Variants in CLCN3 observed in about 807,000 individuals in gnomAD.
The protein encoded by CLCN3 is H(+)/Cl(-) exchange transporter 3.
CLCN3 carries 16 observed loss-of-function variants against 83.4 expected under a neutral mutation model. That is an observed-to-expected ratio of 0.19 (90% confidence interval 0.13 to 0.29). The LOEUF (loss-of-function observed/expected upper bound fraction) is 0.29, where lower values mean the gene tolerates loss of function less well. CLCN3 is among the 10% of genes least tolerant of loss of function. CLCN3 has a pLI of 1.00. For synonymous variants in CLCN3, 322 were observed against 346.2 expected (o/e 0.93, Z 0.78); for missense variants, 544 against 1,006.0 (o/e 0.54, Z 6.21).
intron 2 of CLCN3, among the ~76,000 whole-genome samples, chr4:169,679,362 C>T (rs1459712542): frequency 6.6e-6 from 1 of 150,778 alleles, no homozygotes; most frequent in Non-Finnish European, 1.5e-5. Flanking sequence ...TCCTCACTTC[C>T]TAGATGGGAT....
In CLCN3 at chr4:169,692,095, C is replaced by T. The variant is rs143375184; in HGVS notation, c.730-19C>T. Reference sequence around the variant, plus strand: ...TGTTTCTTAAAGGACATTAAGCTGCCTTAATCTTTGCCTTGTAGATTAAAA... The same window carrying T: ...TGTTTCTTAAAGGACATTAAGCTGCTTTAATCTTTGCCTTGTAGATTAAAA... On this transcript the variant is annotated intron_variant, in intron 6 of 12. Transcript: ENST00000513761. 114 of 1,457,656 alleles carry T rather than the reference C, an allele frequency of 7.8e-5. 1 individual carries two copies. The East Asian group carries it at 2.5e-3, about 32-fold the overall frequency. The allele number at this position is 1,457,656 out of a possible 1,614,324, so 90.3% of individuals were successfully genotyped here. A position where few individuals can be genotyped will look rare whatever the true frequency, so the allele number is the denominator to read the frequency against.
At chr4:169,712,527 A>G (rs1381524579) in intron 11 of CLCN3, among the ~76,000 whole-genome samples, 1 of 152,190 alleles carries the variant, frequency 6.6e-6, no homozygotes, top group Admixed American at 6.5e-5. Context: ...TTGTACTTTC[A>G]TCTCATCTGT....
intron 2 of CLCN3, among the ~76,000 whole-genome samples, chr4:169,637,598 A>C (rs78433766): frequency 1.2e-5 from 1 of 84,124 alleles, no homozygotes; most frequent in African/African-American, 3.5e-5. Context: ...ACCACCACCA[A>C]CAACAACAAC....
intron 3 of CLCN3, among the ~76,000 whole-genome samples, chr4:169,686,997 T>C (rs1287299418): frequency 1.3e-5 from 2 of 152,192 alleles, no homozygotes; most frequent in African/African-American, 4.8e-5. Flanking sequence ...AAAAGGCCTA[T>C]AAGTTTTGGG....
chr4:169,658,880 G>A (rs1730962446), intron 2 of CLCN3, among the ~76,000 whole-genome samples: 1 of 151,998 alleles, frequency 6.6e-6, no homozygotes, highest in Non-Finnish European at 1.5e-5. Context: ...CTGTTTATCT[G>A]AGATTTAAAA....
intron 1 of CLCN3, among the ~76,000 whole-genome samples, chr4:169,634,449 G>C (rs1391900583): frequency 6.6e-6 from 1 of 152,096 alleles, no homozygotes; most frequent in African/African-American, 2.4e-5. Flanking sequence ...TTTCTCAAAA[G>C]CCACATAATA....
At chr4:169,698,434 C>T (rs756269919) in intron 9 of CLCN3, among the ~76,000 whole-genome samples, 2 of 152,090 alleles carry the variant, frequency 1.3e-5, no homozygotes, top group Non-Finnish European at 2.9e-5. Flanking sequence ...CCTTTTTCCT[C>T]TCTCTCTGTG....
intron 2 of CLCN3, among the ~76,000 whole-genome samples, chr4:169,679,732 A>C (rs2150238288): frequency 6.6e-6 from 1 of 152,304 alleles, no homozygotes; most frequent in Non-Finnish European, 1.5e-5. Context: ...CCACCAAAAA[A>C]TACAAAAATC....
intron 4 of CLCN3, 68 bp downstream of exon 4, chr4:169,687,825 C>A: frequency 1.3e-6 from 1 of 799,040 alleles, no homozygotes; most frequent in Non-Finnish European, 1.9e-6. Context: ...CCCTCCTTCC[C>A]TCAATTTTTT....
rs1328448899 is a variant in CLCN3 at position 169,690,542 on chromosome 4, T to G, written c.619T>G (p.Tyr207Asp). ...ATTTTCTTTTTAGGGTCCTGGTTCT[T>G]ATATCATGAACTACATAATGTACAT... ...IIGQAEGPGSYIMNYIMYIFW... is the reference protein window; with the variant it reads ...IIGQAEGPGSDIMNYIMYIFW... Residue 207 changes from tyrosine (Y) to aspartate (D), a missense_variant, in exon 6 of 13, where the codon TAT (tyrosine) becomes GAT (aspartate). By Grantham distance (160) the Tyr-to-Asp change is radical (BLOSUM62 -3). Around this residue, in one of 6 missense-constraint regions of CLCN3, gnomAD observed 96 missense variants for 202.1 expected, o/e 0.48. Transcript: ENST00000513761. 3 of 1,610,978 alleles carry G rather than the reference T, an allele frequency of 1.9e-6. No individual in the cohort carries two copies. In the East Asian group the frequency reaches 6.7e-5, roughly 36 times the overall value.
At chr4:169,694,564 C>T (rs1049348190) in intron 7 of CLCN3, among the ~76,000 whole-genome samples, 10 of 152,218 alleles carry the variant, frequency 6.6e-5, no homozygotes, top group African/African-American at 2.2e-4. Context: ...CTTGGCTGGG[C>T]GCGGTGGCTC....
intron 2 of CLCN3, among the ~76,000 whole-genome samples, chr4:169,667,777 G>A (rs531519836): frequency 7.4e-5 from 11 of 148,212 alleles, no homozygotes; most frequent in South Asian, 4.3e-4. Context: ...GATGGATCTC[G>A]CTCTGTCGCC....
intron 11 of CLCN3, among the ~76,000 whole-genome samples, chr4:169,710,068 A>G (rs1209448548): frequency 6.6e-6 from 1 of 152,244 alleles, no homozygotes; most frequent in Non-Finnish European, 1.5e-5. Context: ...AAACAAACAA[A>G]AACTGTATTT....
intron 12 of CLCN3, among the ~76,000 whole-genome samples, chr4:169,719,290 C>A (rs1362512699): frequency 2.0e-5 from 3 of 152,116 alleles, no homozygotes; most frequent in Middle Eastern, 3.2e-3. Flanking sequence ...CATGGTGAAA[C>A]CCTGTCTCTA....
At chr4:169,700,901 G>C (rs980605767) in intron 9 of CLCN3, among the ~76,000 whole-genome samples, 1 of 152,190 alleles carries the variant, frequency 6.6e-6, no homozygotes, top group Non-Finnish European at 1.5e-5. Context: ...AGTCTTCAGT[G>C]AATTGTAATC....
intron 2 of CLCN3, among the ~76,000 whole-genome samples, chr4:169,661,587 T>C (rs1731059751): frequency 6.6e-6 from 1 of 152,134 alleles, no homozygotes; most frequent in South Asian, 2.1e-4. Flanking sequence ...TGCAGTATTC[T>C]GTAGTTAGTA....
chr4:169,620,603 C>G lies in CLCN3; in HGVS notation c.-477C>G. The G allele has an allele frequency of 2.5e-6, 1 of 397,184 alleles. No homozygotes were observed. Among genetic ancestry groups the G allele is most frequent in the Middle Eastern group, 6.3e-4 (1 of 1,584 alleles). The allele number at this position is 397,184 out of a possible 1,614,324, so 24.6% of individuals were successfully genotyped here. Reference sequence around the variant, plus strand: ...CTCTTCCCCTTCCGTGGGTCAGGGCCGGTCCGGTCCGGAACCTGCAGCCCC... The same window carrying G: ...CTCTTCCCCTTCCGTGGGTCAGGGCGGGTCCGGTCCGGAACCTGCAGCCCC... On this transcript the variant is annotated 5_prime_UTR_variant, in exon 1 of 13. Transcript: ENST00000513761.
intron 12 of CLCN3, among the ~76,000 whole-genome samples, chr4:169,717,453 A>G (rs567846805): frequency 6.6e-6 from 1 of 152,310 alleles, no homozygotes; most frequent in Non-Finnish European, 1.5e-5. Context: ...ATGAAACTCT[A>G]CATATCAGAG....
At chr4:169,715,168 A>T (rs994783550) in intron 12 of CLCN3, among the ~76,000 whole-genome samples, 3 of 152,124 alleles carry the variant, frequency 2.0e-5, no homozygotes, top group African/African-American at 7.2e-5. Context: ...ATTAATTTTC[A>T]TATTTCAGTT....
Sources: gnomAD v4.1 joint callset for allele counts (sites outside exome capture counted in the v4.1 genomes callset) on GRCh38, gnomAD v4.1.1 for gene constraint, gnomAD v4.1.1 regional missense constraint, MANE v1.5 for transcripts, NCBI Gene and HGNC (gene_info 2026-07-23, HGNC 2026-07-21) for gene names.